XKR4: variants seen among roughly 807,000 people sequenced by gnomAD.
XKR4 encodes the protein XK-related protein 4.
A neutral mutation model predicts 53.9 loss-of-function variants in XKR4; 12 were observed. That is an observed-to-expected ratio of 0.22 (90% CI 0.14 to 0.36). The LOEUF (loss-of-function observed/expected upper bound fraction) is 0.36, where lower values mean the gene tolerates loss of function less well. XKR4 is among the 10% of genes least tolerant of loss of function. The pLI is 1.00. For missense variants in XKR4, 799 were observed against 859.5 expected (o/e 0.93, Z 0.88); for synonymous variants, 354 against 362.4 (o/e 0.98, Z 0.26).
chr8:55,203,692 A>G (rs888390702), intron 1 of XKR4, among the ~76,000 whole-genome samples: 5 of 152,180 alleles, frequency 3.3e-5, no homozygotes, highest in Admixed American at 1.3e-4. Flanking sequence ...GTTAACTCAC[A>G]GGCTTTGGTA....
intron 2 of XKR4, among the ~76,000 whole-genome samples, chr8:55,474,332 C>T (rs1437135972): frequency 6.6e-6 from 1 of 152,108 alleles, no homozygotes; most frequent in Admixed American, 6.5e-5. Flanking sequence ...TGACTAAATT[C>T]TTTGCACCAA....
intron 2 of XKR4, among the ~76,000 whole-genome samples, chr8:55,418,496 C>T (rs1219955350): frequency 2.6e-5 from 4 of 152,190 alleles, no homozygotes; most frequent in Non-Finnish European, 4.4e-5. Context: ...ATGCGTCTCA[C>T]CCCCTCCGCT....
At chr8:55,279,752 C>T (rs1204536938) in intron 1 of XKR4, among the ~76,000 whole-genome samples, 1 of 152,124 alleles carries the variant, frequency 6.6e-6, no homozygotes, top group Non-Finnish European at 1.5e-5. Flanking sequence ...ATCATGAAGT[C>T]GTGCTCATTT....
At chr8:55,315,966 C>T (rs1388570548) in intron 1 of XKR4, among the ~76,000 whole-genome samples, 1 of 152,208 alleles carries the variant, frequency 6.6e-6, no homozygotes, top group African/African-American at 2.4e-5. Context: ...TAATGAATCT[C>T]ACAGAGTCCC....
intron 1 of XKR4, among the ~76,000 whole-genome samples, chr8:55,348,119 C>T (rs528898963): frequency 1.3e-5 from 2 of 152,220 alleles, no homozygotes; most frequent in African/African-American, 4.8e-5. Flanking sequence ...TCAGTCGAAG[C>T]CCAGATACTG....
intron 1 of XKR4, among the ~76,000 whole-genome samples, chr8:55,127,169 G>A (rs750289193): frequency 1.3e-5 from 2 of 151,452 alleles, no homozygotes; most frequent in Non-Finnish European, 2.9e-5. Context: ...CAGCTAAAAT[G>A]CCCCCCAAAA....
chr8:55,143,962 A>G (rs2129354570), intron 1 of XKR4, among the ~76,000 whole-genome samples: 1 of 152,312 alleles, frequency 6.6e-6, no homozygotes, highest in East Asian at 1.9e-4. Context: ...CAGGTAATCT[A>G]TCATTTACAA....
chr8:55,394,177 T>C (rs1804484054), intron 2 of XKR4, among the ~76,000 whole-genome samples: 1 of 152,240 alleles, frequency 6.6e-6, no homozygotes, highest in South Asian at 2.1e-4. Flanking sequence ...ACATTCACTA[T>C]TAATTTTAAC....
rs73680206 is a variant in XKR4 at position 55,295,908 on chromosome 8, A to C, written c.807-61770A>C. On this transcript the variant is annotated intron_variant, in intron 1 of 2. Coordinates refer to ENST00000327381, the MANE Select transcript of XKR4 (RefSeq NM_052898.2). The stretch of plus-strand genomic sequence containing the variant: ...ATTTTTATTATTTTGTACTCCACAA[A>C]TCTATTAATACTGATTGAATAGCAT... 3.7e-3 allele frequency among the ~76,000 whole-genome samples: 557 copies of C among 152,346 alleles called. 5 individuals carry two copies. Among genetic ancestry groups the C allele is most frequent in the African/African-American group, 0.012 (504 of 41,588 alleles).
intron 1 of XKR4, among the ~76,000 whole-genome samples, chr8:55,186,848 A>T (rs577815450): frequency 2.8e-4 from 42 of 152,270 alleles, no homozygotes; most frequent in Non-Finnish European, 5.6e-4. Context: ...GAAATAAAAG[A>T]TTGTTATATT....
chr8:55,376,550 T>C (rs1285214824), intron 2 of XKR4, among the ~76,000 whole-genome samples: 1 of 152,210 alleles, frequency 6.6e-6, no homozygotes, highest in Non-Finnish European at 1.5e-5. Flanking sequence ...GTTCATGTTC[T>C]TTGCCCACTT....
At chr8:55,491,809 T>A (rs1806276513) in intron 2 of XKR4, among the ~76,000 whole-genome samples, 2 of 152,146 alleles carry the variant, frequency 1.3e-5, no homozygotes. Flanking sequence ...TTATTTTGGA[T>A]GGTCAAAACG....
intron 1 of XKR4, among the ~76,000 whole-genome samples, chr8:55,120,640 TC>T (rs1490338270): frequency 2.6e-5 from 4 of 152,028 alleles, no homozygotes. Flanking sequence ...CTTCCCCTTC[TC>T]CCACCCACCA....
intron 1 of XKR4, among the ~76,000 whole-genome samples, chr8:55,254,091 A>G (rs996747500): frequency 1.3e-5 from 2 of 151,682 alleles, no homozygotes; most frequent in African/African-American, 4.8e-5. Context: ...CTCTTCAACA[A>G]ATGAGAGCGC....
chr8:55,218,120 C>T (rs1046481745), intron 1 of XKR4, among the ~76,000 whole-genome samples: 1 of 152,164 alleles, frequency 6.6e-6, no homozygotes, highest in Non-Finnish European at 1.5e-5. Context: ...TCACAAGAAC[C>T]AGTAAGCTAC....
intron 2 of XKR4, among the ~76,000 whole-genome samples, chr8:55,513,777 C>A (rs1278905983): frequency 2.0e-5 from 3 of 152,198 alleles, no homozygotes; most frequent in Admixed American, 2.0e-4. Context: ...AAAAAAGTTT[C>A]TTTGAGTTAC....
rs1205761826 is a variant in XKR4 at position 55,536,501 on chromosome 8, C to T, written c.*12274C>T. 6.6e-6 allele frequency: 1 copy of T among 152,170 alleles called. No individual in the cohort carries two copies. The highest frequency in any genetic ancestry group is 1.5e-5 in the Non-Finnish European group (1 of 68,028). 9.4% of individuals were successfully genotyped at this position (152,170 alleles called of 1,614,324 possible). ...AGATCACTCAAGTGGTAAATTTGGT[C>T]TTCATGATATCAAACATACGGATAT... On this transcript the variant is annotated 3_prime_UTR_variant, in exon 3 of 3. Coordinates refer to ENST00000327381, the MANE Select transcript of XKR4 (RefSeq NM_052898.2).
At chr8:55,478,885 C>A (rs532093439) in intron 2 of XKR4, among the ~76,000 whole-genome samples, 3 of 152,040 alleles carry the variant, frequency 2.0e-5, no homozygotes, top group Non-Finnish European at 4.4e-5. Flanking sequence ...TACAGGAGCA[C>A]CCAGATTCAT....
At chr8:55,477,334 C>T (rs1806009340) in intron 2 of XKR4, among the ~76,000 whole-genome samples, 1 of 152,138 alleles carries the variant, frequency 6.6e-6, no homozygotes, top group South Asian at 2.1e-4. Context: ...AACAGACCTG[C>T]AGCTGAGGGT....
Sources: gnomAD v4.1 joint callset for allele counts (sites outside exome capture counted in the v4.1 genomes callset) on GRCh38, gnomAD v4.1.1 for gene constraint, MANE v1.5 for transcripts, NCBI Gene and HGNC (gene_info 2026-07-23, HGNC 2026-07-21) for gene names.